Variants in DOCK5 observed in about 807,000 individuals in gnomAD.
DOCK5 encodes the protein dedicator of cytokinesis protein 5.
Under a neutral mutation model 251.8 loss-of-function variants are expected in DOCK5, and 142 were observed. The observed-to-expected ratio is 0.56, with a 90% CI of 0.49 to 0.65. The LOEUF is 0.65. DOCK5 is among the 30% of genes least tolerant of loss of function. The probability of loss-of-function intolerance (pLI) is 0.00; values close to 1 mark genes in which losing one functional copy is unlikely to be tolerated. For missense variants in DOCK5, 2,111 were observed against 2,312.3 expected (o/e 0.91, Z 1.79); for synonymous variants, 842 against 835.5 (o/e 1.01, Z -0.13).
intron 26 of DOCK5, among the ~76,000 whole-genome samples, chr8:25,351,045 CTTTTATTTTTAT>C (rs1189282699): frequency 1.3e-5 from 2 of 151,964 alleles, no homozygotes; most frequent in Admixed American, 6.6e-5. Context: ...CTGAGCAATT[CTTTTATTTTTAT>C]TTTTATTTTT....
At chr8:25,300,838 T>C (rs1324798928) in intron 9 of DOCK5, among the ~76,000 whole-genome samples, 181 bp downstream of exon 9, 2 of 147,516 alleles carry the variant, frequency 1.4e-5, no homozygotes, top group Admixed American at 1.4e-4. Flanking sequence ...ATTTAGACAC[T>C]TGAGATACAT....
chr8:25,356,910 TATATATATA>T (rs1800584472), intron 27 of DOCK5, among the ~76,000 whole-genome samples: 2 of 828 alleles, frequency 2.4e-3, no homozygotes, highest in Non-Finnish European at 7.6e-3. Flanking sequence ...ATGAAGATTA[TATATATATA>T]TATATATATA....
intron 47 of DOCK5, among the ~76,000 whole-genome samples, chr8:25,401,700 C>G (rs1801442222): frequency 6.6e-6 from 1 of 152,222 alleles, no homozygotes. Flanking sequence ...CACCATTGCA[C>G]TCCAGCCTGG....
At position 25,212,114 on chromosome 8, in the gene DOCK5, T is replaced by G. The variant is rs183457800; in HGVS notation, c.43+27163T>G. 5.6e-4 allele frequency among the ~76,000 whole-genome samples: 37 copies of G among 65,510 alleles called. 11 individuals are homozygous for G. Among genetic ancestry groups the G allele is most frequent in the African/African-American group, 1.3e-3 (37 of 28,906 alleles). 43.0% of individuals were successfully genotyped at this position (65,510 alleles called of 152,430 possible). ...AGGCAGAGTTTGCAGTGAGCCGAGA[T>G]TATGCCACTGTTTTCCAGCCTGGGT... is the stretch of plus-strand genomic sequence containing the variant. On this transcript the variant is annotated intron_variant, in intron 1 of 51. Transcript: ENST00000276440.
intron 40 of DOCK5, among the ~76,000 whole-genome samples, chr8:25,383,871 A>ATAAG (rs1395473343): frequency 6.6e-6 from 1 of 152,168 alleles, no homozygotes; most frequent in Non-Finnish European, 1.5e-5. Flanking sequence ...AAATAAATAA[A>ATAAG]TAAACTATAA....
chr8:25,392,256 G>T (rs6994859), intron 43 of DOCK5, among the ~76,000 whole-genome samples: 1 of 150,666 alleles, frequency 6.6e-6, no homozygotes, highest in Non-Finnish European at 1.5e-5. Context: ...GTGAGCTGAG[G>T]TCGCACCACT....
chr8:25,332,236 GGTT>G lies in DOCK5; in HGVS notation c.1904-11_1904-9del, dbSNP rs1805698748. 1 of 1,602,212 alleles carries G rather than the reference GGTT, an allele frequency of 6.2e-7. No homozygotes were observed. ...GTTCTCACCTGTATCTAATGTTTGT[GGTT>G]GTTCTTCCTAGTTGACCTGTTAGGC... On this transcript the variant is annotated splice_polypyrimidine_tract_variant and intron_variant, in intron 18 of 51. Transcript: ENST00000276440.
chr8:25,296,028 C>G (rs1293843066), intron 6 of DOCK5, among the ~76,000 whole-genome samples: 1 of 152,124 alleles, frequency 6.6e-6, no homozygotes, highest in Non-Finnish European at 1.5e-5. Flanking sequence ...ACATGTTGCC[C>G]AGGCTGGTCT....
chr8:25,223,036 G>A (rs1224035832), intron 1 of DOCK5, among the ~76,000 whole-genome samples: 1 of 152,116 alleles, frequency 6.6e-6, no homozygotes, highest in African/African-American at 2.4e-5. Context: ...ATCCTTGCTT[G>A]AGCCCAGTGG....
intron 27 of DOCK5, 55 bp downstream of exon 27, chr8:25,351,881 C>T (rs1162719031): frequency 2.0e-6 from 3 of 1,518,274 alleles, no homozygotes; most frequent in Non-Finnish European, 2.7e-6. Flanking sequence ...GTCCCCTTTG[C>T]CTATCGGGAG....
chr8:25,269,294 T>A (rs1314950462), intron 3 of DOCK5, among the ~76,000 whole-genome samples: 1 of 152,226 alleles, frequency 6.6e-6, no homozygotes, highest in Non-Finnish European at 1.5e-5. Flanking sequence ...TCCTTCATTG[T>A]AAATTGGATA....
chr8:25,346,533 C>T (rs777493231), intron 26 of DOCK5, among the ~76,000 whole-genome samples: 3 of 151,664 alleles, frequency 2.0e-5, no homozygotes, highest in African/African-American at 4.8e-5. Context: ...CTCTTGAAAA[C>T]ACAGGGCTAA....
rs564204150 is a variant in DOCK5 at position 25,231,798 on chromosome 8, C to A, written c.44-11876C>A. 2.0e-5 allele frequency among the ~76,000 whole-genome samples: 3 copies of A among 152,178 alleles called. No individual in the cohort carries two copies. The East Asian group carries it at 5.8e-4, about 29-fold the overall frequency. Reference sequence around the variant, plus strand: ...GGAGCACATTTAATATTTAACAGTTCATTATGGTGTTTTCTAGATGTGTAT... The same window carrying A: ...GGAGCACATTTAATATTTAACAGTTAATTATGGTGTTTTCTAGATGTGTAT... On this transcript the variant is annotated intron_variant, in intron 1 of 51. Coordinates refer to ENST00000276440, the MANE Select transcript of DOCK5 (RefSeq NM_024940.8).
At chr8:25,241,229 C>T (rs1802934287) in intron 1 of DOCK5, among the ~76,000 whole-genome samples, 1 of 152,178 alleles carries the variant, frequency 6.6e-6, no homozygotes, top group Admixed American at 6.5e-5. Flanking sequence ...GTAATCCCAG[C>T]ACTTTGGGAG....
At chr8:25,254,928 C>A (rs1202833203) in intron 2 of DOCK5, among the ~76,000 whole-genome samples, 1 of 151,882 alleles carries the variant, frequency 6.6e-6, no homozygotes, top group Non-Finnish European at 1.5e-5. Flanking sequence ...AGATATATAT[C>A]CATATGGCAT....
In DOCK5 at chr8:25,259,678, C is replaced by A. The variant is rs570372864; in HGVS notation, c.128-9167C>A. Among the ~76,000 whole-genome samples the A allele has an allele frequency of 5.9e-5, 9 of 152,240 alleles. No individual in the cohort carries two copies. The South Asian group carries it at 1.9e-3, about 32-fold the overall frequency. ...GTCTTACTATGTTGCCCAGGCTGGTCTTGAACTCCTGTCCTCAAGCGATCC... is the reference window on the plus strand; with the variant it reads ...GTCTTACTATGTTGCCCAGGCTGGTATTGAACTCCTGTCCTCAAGCGATCC... On this transcript the variant is annotated intron_variant, in intron 2 of 51. Coordinates refer to ENST00000276440, the MANE Select transcript of DOCK5 (RefSeq NM_024940.8).
At chr8:25,391,452 A>G (rs1002551219) in intron 42 of DOCK5, among the ~76,000 whole-genome samples, 5 of 151,970 alleles carry the variant, frequency 3.3e-5, no homozygotes, top group African/African-American at 1.2e-4. Flanking sequence ...CCTGGCCAAC[A>G]TGGTGAAACC....
Position 25,411,294 on chromosome 8 carries a change from A to G in DOCK5, c.5609A>G (p.Gln1870Arg). ...SGIPTSEPGS[Q>R] ...ATCCCTACTTCCGAGCCTGGATCCC[A>G]GTAAGGATCTTGCCCTCCCTGCAAC... Residue 1870 changes from glutamine to arginine, a missense_variant, in exon 52 of 52, where the codon CAG (glutamine) becomes CGG (arginine). This residue lies in a region of DOCK5 where 1,717 missense variants were observed against 1,892.4 expected (regional missense o/e 0.91). Coordinates refer to ENST00000276440, the MANE Select transcript of DOCK5 (RefSeq NM_024940.8). The G allele has an allele frequency of 1.3e-6, 2 of 1,538,516 alleles. No individual in the cohort carries two copies. Among genetic ancestry groups the G allele is most frequent in the Non-Finnish European group, 1.7e-6 (2 of 1,146,334 alleles).
intron 18 of DOCK5, among the ~76,000 whole-genome samples, chr8:25,330,145 C>G (rs1340397170): frequency 6.6e-6 from 1 of 152,128 alleles, no homozygotes; most frequent in Non-Finnish European, 1.5e-5. Context: ...ATGAGTGATA[C>G]CTTCGACTAG....
Sources: allele counts gnomAD v4.1 joint callset (sites outside exome capture counted in the v4.1 genomes callset), GRCh38; gene constraint gnomAD v4.1.1; regional missense constraint gnomAD v4.1.1; transcripts MANE v1.5; gene names NCBI Gene and HGNC (gene_info 2026-07-23, HGNC 2026-07-21).